Variants in UNC13C observed in about 807,000 individuals in gnomAD.
The protein encoded by UNC13C is unc-13 homolog C.
Under a neutral mutation model 245.4 loss-of-function variants are expected in UNC13C, and 174 were observed. That is an observed-to-expected ratio of 0.71 (90% CI 0.63 to 0.80). UNC13C has a LOEUF of 0.80. Ranked by LOEUF, UNC13C falls within the 30% of genes least tolerant of loss-of-function variation. UNC13C has a pLI of 0.00. For missense variants in UNC13C, 2,829 were observed against 2,602.9 expected, an observed-to-expected ratio of 1.09 and a Z score of -1.89; for synonymous variants, 992 against 895.1, an observed-to-expected ratio of 1.11 and a Z score of -1.93.
At chr15:54,382,222 A>T (rs2039740397) in intron 17 of UNC13C, among the ~76,000 whole-genome samples, 1 of 152,164 alleles carries the variant, frequency 6.6e-6, no homozygotes. Flanking sequence ...TAAAATATTA[A>T]TTTCTGCAGG....
At chr15:54,064,221 C>T (rs1379782487) in intron 2 of UNC13C, among the ~76,000 whole-genome samples, 1 of 152,120 alleles carries the variant, frequency 6.6e-6, no homozygotes, top group Non-Finnish European at 1.5e-5. Context: ...ATATGGCTAC[C>T]TAGTGGCAAC....
chr15:54,014,774 C>T lies in UNC13C; in HGVS notation c.1871C>T (p.Thr624Ile). ...CAGACTGAAACTGAAAACACAGAAACTGTGGATAGTGGAATGAGTAATGGC... is the reference window on the plus strand; with the variant it reads ...CAGACTGAAACTGAAAACACAGAAATTGTGGATAGTGGAATGAGTAATGGC... Reference protein sequence around the residue: ...QGQTETENTETVDSGMSNGMV... With the variant: ...QGQTETENTEIVDSGMSNGMV... Residue 624 changes from threonine to isoleucine, a missense_variant, in exon 2 of 33, where the codon ACT becomes ATT. Transcript: ENST00000260323. The T allele has an allele frequency of 6.2e-7, 1 of 1,613,814 alleles. No individual in the cohort carries two copies.
chr15:53,852,275 G>A, the UNC13C span, among the ~76,000 whole-genome samples: 20,394 of 152,206 alleles, frequency 0.13, 1,517 homozygotes, highest in Admixed American at 0.21. Flanking sequence ...TTGGATTGTT[G>A]AGTAAGAGAA....
intron 29 of UNC13C, among the ~76,000 whole-genome samples, chr15:54,556,212 A>T (rs775416515): frequency 2.6e-5 from 4 of 152,058 alleles, no homozygotes; most frequent in Admixed American, 6.6e-5. Context: ...ATGATGTCCA[A>T]AGTTTTTACT....
At chr15:54,531,984 G>C (rs1566891999) in intron 25 of UNC13C, among the ~76,000 whole-genome samples, 1 of 152,066 alleles carries the variant, frequency 6.6e-6, no homozygotes, top group Non-Finnish European at 1.5e-5. Flanking sequence ...TAAGCATATG[G>C]TTGATTTATA....
rs1901302190 is a variant in UNC13C at position 54,628,102 on chromosome 15, AAATTG to A, written c.*990_*994del. The A allele has an allele frequency of 6.6e-6, 1 of 151,852 alleles. No homozygotes were observed. Among genetic ancestry groups the A allele is most frequent in the South Asian group, 2.1e-4 (1 of 4,832 alleles). The allele number at this position is 151,852 out of a possible 1,614,324, so 9.4% of individuals were successfully genotyped here. A position where few individuals can be genotyped will look rare whatever the true frequency, so the allele number is the denominator to read the frequency against. Reference sequence around the variant, plus strand: ...AAAAATAGTAAAATTAAGTCGGAAGAAATTGCTTAAAATTTTGTAATTTGTATTTA... The same window carrying A: ...AAAAATAGTAAAATTAAGTCGGAAGACTTAAAATTTTGTAATTTGTATTTA... On this transcript the variant is annotated 3_prime_UTR_variant, in exon 33 of 33. Transcript: ENST00000260323.
chr15:53,952,936 A>T, the UNC13C span, among the ~76,000 whole-genome samples: 1 of 152,094 alleles, frequency 6.6e-6, no homozygotes, highest in African/African-American at 2.4e-5. Flanking sequence ...CGGTTTGGGG[A>T]TGAACACAGC....
chr15:54,055,988 A>G (rs7168151), intron 2 of UNC13C, among the ~76,000 whole-genome samples: 34,859 of 152,018 alleles, frequency 0.23, 5,232 homozygotes, highest in African/African-American at 0.43. Flanking sequence ...GCTTCTCCGC[A>G]TGATTTCTCT....
intron 7 of UNC13C, among the ~76,000 whole-genome samples, chr15:54,245,874 A>G (rs923323144): frequency 6.6e-6 from 1 of 152,138 alleles, no homozygotes; most frequent in African/African-American, 2.4e-5. Flanking sequence ...CTTACATAAT[A>G]TCACAAGGAG....
At chr15:54,591,774 A>C (rs2681959) in intron 30 of UNC13C, among the ~76,000 whole-genome samples, 118,643 of 151,992 alleles carry the variant, frequency 0.78, 47,102 homozygotes, top group African/African-American at 0.95. Flanking sequence ...TTTTGTTTGT[A>C]TATTTGTTTC....
At chr15:54,341,336 T>A (rs2038723791) in intron 17 of UNC13C, among the ~76,000 whole-genome samples, 1 of 152,122 alleles carries the variant, frequency 6.6e-6, no homozygotes, top group South Asian at 2.1e-4. Context: ...GTCATTATCC[T>A]AAACAAAATA....
At chr15:54,623,453 T>G (rs1330187848) in intron 31 of UNC13C, among the ~76,000 whole-genome samples, 4 of 152,212 alleles carry the variant, frequency 2.6e-5, no homozygotes, top group Non-Finnish European at 5.9e-5. Flanking sequence ...ACTGGTAAAT[T>G]TATAGATTTT....
intron 10 of UNC13C, among the ~76,000 whole-genome samples, chr15:54,286,081 AT>A (rs917703934): frequency 1.3e-5 from 2 of 152,036 alleles, no homozygotes; most frequent in South Asian, 2.1e-4. Context: ...GGGTTTCACC[AT>A]TTTGGCCAGG....
the UNC13C span, among the ~76,000 whole-genome samples, chr15:53,950,001 G>T: frequency 6.6e-6 from 1 of 152,158 alleles, no homozygotes; most frequent in Non-Finnish European, 1.5e-5. Flanking sequence ...AACACAGGAA[G>T]AAGATAAAAA....
intron 2 of UNC13C, among the ~76,000 whole-genome samples, chr15:54,032,573 A>C (rs560836321): frequency 6.6e-6 from 1 of 152,196 alleles, no homozygotes; most frequent in African/African-American, 2.4e-5. Flanking sequence ...GAAGATATGT[A>C]TATATATTGT....
chr15:53,928,217 C>G, the UNC13C span, among the ~76,000 whole-genome samples: 1 of 152,176 alleles, frequency 6.6e-6, no homozygotes, highest in Non-Finnish European at 1.5e-5. Context: ...TATTTATTAA[C>G]AGCAAACCAG....
At chr15:54,266,442 A>G (rs2036551088) in intron 10 of UNC13C, among the ~76,000 whole-genome samples, 1 of 152,030 alleles carries the variant, frequency 6.6e-6, no homozygotes, top group South Asian at 2.1e-4. Context: ...GGAAGTTAAA[A>G]TTAAATTTCC....
In UNC13C at chr15:54,323,648, T is replaced by C. The variant is rs531642696; in HGVS notation, c.4425+1553T>C. Among the ~76,000 whole-genome samples the C allele has an allele frequency of 1.5e-3, 226 of 152,126 alleles. 3 individuals are homozygous for C. The highest frequency in any genetic ancestry group is 1.8e-3 in the Admixed American group (27 of 15,250). The stretch of plus-strand genomic sequence containing the variant: ...TACTTTTGTTAGACAGATTGACTCT[T>C]GCAGAAGCTGGAACCAAAGAACGTT... On this transcript the variant is annotated intron_variant, in intron 14 of 32. Transcript: ENST00000260323.
At chr15:54,261,341 T>A (rs940474042) in intron 8 of UNC13C, among the ~76,000 whole-genome samples, 1 of 152,178 alleles carries the variant, frequency 6.6e-6, no homozygotes, top group Admixed American at 6.5e-5. Flanking sequence ...ATTGTAACTA[T>A]TTAAGAAAGA....
Sources: allele counts gnomAD v4.1 joint callset (sites outside exome capture counted in the v4.1 genomes callset), GRCh38; gene constraint gnomAD v4.1.1; transcripts MANE v1.5; gene names NCBI Gene and HGNC (gene_info 2026-07-23, HGNC 2026-07-21).